The following LRP2 variants were observed in gnomAD, a reference collection of about 807,000 sequenced individuals.
The protein encoded by LRP2 is low-density lipoprotein receptor-related protein 2.
Under a neutral mutation model 531.0 loss-of-function variants are expected in LRP2, and 172 were observed. The ratio of observed to expected loss-of-function variants is 0.32; its 90% confidence interval spans 0.29 to 0.37. The LOEUF is 0.37. Ranked by LOEUF, LRP2 falls within the 10% of genes least tolerant of loss-of-function variation. LRP2 has a pLI of 1.00. For synonymous variants in LRP2, 1,992 were observed against 2,027.6 expected (o/e 0.98, Z 0.47); for missense variants, 5,167 against 5,868.3 (o/e 0.88, Z 3.90).
rs1333299009 is a variant in LRP2 at position 169,154,444 on chromosome 2, C to T, written c.12295+16G>A. ...GTCACTTAATATCAATGAAAGATGC[C>T]AAAGTTTATACTCACTGAGGCCTAT... On this transcript the variant is annotated intron_variant, in intron 66 of 78. Coordinates refer to ENST00000649046, the MANE Select transcript of LRP2 (RefSeq NM_004525.3). 1 of 1,609,418 alleles carries T rather than the reference C, an allele frequency of 6.2e-7. No individual in the cohort carries two copies. Among genetic ancestry groups the T allele is most frequent in the Non-Finnish European group, 8.5e-7 (1 of 1,175,986 alleles).
rs185345992 is a variant in LRP2, at chr2:169,152,805, A to T, written c.12455T>A (p.Val4152Asp). Residue 4152 changes from valine to aspartate, a missense_variant, in exon 67 of 79, where the codon GTT becomes GAT. By Grantham distance (152) the Val-to-Asp change is radical (BLOSUM62 -3). Coordinates refer to ENST00000649046, the MANE Select transcript of LRP2 (RefSeq NM_004525.3). ...GAATGTATGGCAAATTTACCTTCCA[A>T]CCCAGTCCACTGCTATTCCATCTGG... ...MQPDGIAVDW[V>D]GRHIYWSDVK... is the part of the protein sequence containing the mutation. 6.2e-7 allele frequency: 1 copy of T among 1,613,906 alleles called. No individual in the cohort carries two copies. Among genetic ancestry groups the T allele is most frequent in the African/African-American group, 1.3e-5 (1 of 74,982 alleles).
In LRP2 at chr2:169,328,455, A is replaced by G. The variant is rs1574263297; in HGVS notation, c.80-7571T>C. 1.2e-4 allele frequency among the ~76,000 whole-genome samples: 17 copies of G among 147,574 alleles called. 1 individual carries two copies. In the South Asian group the frequency reaches 3.1e-3, roughly 27 times the overall value. On this transcript the variant is annotated intron_variant, in intron 1 of 78. Transcript: ENST00000649046. Reference sequence around the variant, plus strand: ...ACGGGCCGGGATAAAAAAAAAAAAAAAAAAAAAAAGAAAAAAAAAGAAATA... The same window carrying G: ...ACGGGCCGGGATAAAAAAAAAAAAAGAAAAAAAAAGAAAAAAAAAGAAATA...
intron 63 of LRP2, among the ~76,000 whole-genome samples, chr2:169,161,685 G>A (rs1686592832): frequency 6.6e-6 from 1 of 152,066 alleles, no homozygotes; most frequent in East Asian, 1.9e-4. Context: ...TGCTGCCCAG[G>A]CTGTTCCTGA....
intron 33 of LRP2, among the ~76,000 whole-genome samples, chr2:169,224,115 T>C (rs16856632): frequency 0.039 from 5,969 of 152,296 alleles, 128 homozygotes; most frequent in Non-Finnish European, 0.053. Context: ...GAGTGCTTTT[T>C]AGTATAGATA....
chr2:169,137,511 AAGAGAGAGAGAGAG>A lies in LRP2; in HGVS notation c.13519-32_13519-19del, dbSNP rs138614485. ...TCTTCACTCTGATGGCAGAGACAGA[AAGAGAGAGAGAGAG>A]AGAGAGAGAAACAGAGAGAGAGATT... On this transcript the variant is annotated intron_variant, in intron 75 of 78. Coordinates refer to ENST00000649046, the MANE Select transcript of LRP2 (RefSeq NM_004525.3). 3.1e-6 allele frequency: 4 copies of A among 1,275,964 alleles called. No homozygotes were observed. In the African/African-American group the frequency reaches 6.1e-5, roughly 19 times the overall value. The allele number at this position is 1,275,964 out of a possible 1,614,324, so 79.0% of individuals were successfully genotyped here.
intron 31 of LRP2, among the ~76,000 whole-genome samples, chr2:169,228,759 G>A (rs560122589): frequency 2.0e-5 from 3 of 152,290 alleles, no homozygotes; most frequent in South Asian, 4.1e-4. Context: ...AGGATCTCCT[G>A]CAATGCTGCG....
intron 19 of LRP2, among the ~76,000 whole-genome samples, chr2:169,248,077 G>A (rs915710574): frequency 2.6e-5 from 4 of 152,190 alleles, no homozygotes; most frequent in Admixed American, 6.5e-5. Flanking sequence ...AACTTTCAGT[G>A]TATGTTTGAG....
chr2:169,242,901 T>C, intron 24 of LRP2, 55 bp downstream of exon 24: 1 of 1,297,108 alleles, frequency 7.7e-7, no homozygotes, highest in Non-Finnish European at 1.1e-6. Flanking sequence ...ATATCAATAC[T>C]GGCAAAAATG....
intron 63 of LRP2, among the ~76,000 whole-genome samples, chr2:169,160,934 C>T (rs575932727): frequency 2.6e-5 from 4 of 152,302 alleles, no homozygotes; most frequent in African/African-American, 9.6e-5. Flanking sequence ...CATACCTCTT[C>T]GTAACTCACG....
intron 61 of LRP2, 85 bp from the exon 62 acceptor site, chr2:169,166,139 A>C: frequency 6.9e-7 from 1 of 1,448,394 alleles, no homozygotes; most frequent in African/African-American, 1.4e-5. Context: ...TGTCAGCACC[A>C]GGCTTGCTTC....
At chr2:169,333,337 C>T (rs1685314512) in intron 1 of LRP2, among the ~76,000 whole-genome samples, 2 of 151,992 alleles carry the variant, frequency 1.3e-5, no homozygotes, top group Admixed American at 6.6e-5. Flanking sequence ...TCTGTATTCC[C>T]AGGGCCTGTT....
intron 68 of LRP2, among the ~76,000 whole-genome samples, chr2:169,150,369 A>T (rs1305370689): frequency 6.6e-6 from 1 of 152,240 alleles, no homozygotes; most frequent in Non-Finnish European, 1.5e-5. Flanking sequence ...GAGAAAAATA[A>T]CAAAACTTGT....
intron 41 of LRP2, among the ~76,000 whole-genome samples, 181 bp from the exon 42 acceptor site, chr2:169,204,452 A>AC (rs1439183364): frequency 6.6e-6 from 1 of 152,162 alleles, no homozygotes; most frequent in Non-Finnish European, 1.5e-5. Context: ...TGCTTATCAA[A>AC]CAATAGCCTA....
chr2:169,158,462 T>C (rs1270169813), intron 63 of LRP2, among the ~76,000 whole-genome samples: 2 of 152,048 alleles, frequency 1.3e-5, no homozygotes, highest in Admixed American at 6.6e-5. Context: ...AACACTAAAA[T>C]TGAATATGTC....
At chr2:169,172,969 AT>A in intron 57 of LRP2, 126 bp downstream of exon 57, 3 of 1,317,884 alleles carry the variant, frequency 2.3e-6, no homozygotes, top group Non-Finnish European at 3.2e-6. Flanking sequence ...AGAATCAACC[AT>A]TTTTTTACAG....
intron 38 of LRP2, among the ~76,000 whole-genome samples, chr2:169,209,164 T>TA (rs1022156649): frequency 2.6e-5 from 4 of 151,988 alleles, no homozygotes; most frequent in African/African-American, 7.2e-5. Flanking sequence ...AATCTAAGTG[T>TA]AAAAAAAACA....
In LRP2 at chr2:169,275,181, A is replaced by C; in HGVS notation, c.1830T>G (p.Phe610Leu). The change falls in exon 14 of 79, where the codon TTT becomes TTG. Residue 610 changes from phenylalanine to leucine, a missense_variant. Around this residue, in one of 6 missense-constraint regions of LRP2, gnomAD observed 2,811 missense variants for 3,058.0 expected, o/e 0.92. Coordinates refer to ENST00000649046, the MANE Select transcript of LRP2 (RefSeq NM_004525.3). ...LIPHPFGVSL[F>L]EGQVFFTDWT... ...AATCTGTAAAGAACACCTGACCTTC[A>C]AATAAGCTTACTCCAAAGGGATGAG... The C allele has an allele frequency of 6.2e-7, 1 of 1,613,836 alleles. No individual in the cohort carries two copies. Among genetic ancestry groups the C allele is most frequent in the Non-Finnish European group, 8.5e-7 (1 of 1,179,846 alleles).
chr2:169,135,284 GT>G (rs1296732667), intron 76 of LRP2, among the ~76,000 whole-genome samples: 2 of 152,150 alleles, frequency 1.3e-5, no homozygotes, highest in Non-Finnish European at 2.9e-5. Context: ...CAAGCTCGGG[GT>G]TTTTCCCCCG....
intron 4 of LRP2, among the ~76,000 whole-genome samples, chr2:169,305,100 T>C (rs1684381595): frequency 1.3e-5 from 2 of 152,100 alleles, no homozygotes; most frequent in South Asian, 4.1e-4. Context: ...TAAATAAGAA[T>C]ATTTCAGATG....
Sources: allele counts gnomAD v4.1 joint callset (sites outside exome capture counted in the v4.1 genomes callset), GRCh38; gene constraint gnomAD v4.1.1; regional missense constraint gnomAD v4.1.1; transcripts MANE v1.5; gene names NCBI Gene and HGNC (gene_info 2026-07-23, HGNC 2026-07-21).